Variants in ROCK2 observed in about 807,000 individuals in gnomAD.
ROCK2 encodes the protein Rho associated coiled-coil containing protein kinase 2, also known as rho-associated protein kinase 2.
Under a neutral mutation model 195.1 loss-of-function variants are expected in ROCK2, and 61 were observed. The observed-to-expected ratio is 0.31, with a 90% CI of 0.25 to 0.39. The LOEUF is 0.39. ROCK2 is among the 10% of genes least tolerant of loss of function. The pLI, the probability that ROCK2 is intolerant of heterozygous loss-of-function variation, is 1.00. For synonymous variants in ROCK2, 504 were observed against 545.5 expected (o/e 0.92, Z 1.06); for missense variants, 1,109 against 1,637.4 (o/e 0.68, Z 5.57).
chr2:11,250,199 C>A (rs1665782490), intron 3 of ROCK2, among the ~76,000 whole-genome samples: 1 of 152,076 alleles, frequency 6.6e-6, no homozygotes, highest in South Asian at 2.1e-4. Flanking sequence ...TATACACATC[C>A]CTCACTATCT....
intron 4 of ROCK2, among the ~76,000 whole-genome samples, chr2:11,244,325 C>T (rs1278691580): frequency 6.6e-6 from 1 of 152,108 alleles, no homozygotes; most frequent in Non-Finnish European, 1.5e-5. Flanking sequence ...AAAATGTTTG[C>T]AATTCCTGGC....
chr2:11,282,674 A>G (rs1405063784), intron 3 of ROCK2, among the ~76,000 whole-genome samples: 1 of 151,892 alleles, frequency 6.6e-6, no homozygotes, highest in Non-Finnish European at 1.5e-5. Flanking sequence ...AGAAAACCTA[A>G]ATTATCTTGA....
rs1343173818 is a variant in ROCK2 at position 11,180,461 on chromosome 2, T to C, written c.*2976A>G. The C allele has an allele frequency of 6.6e-6, 1 of 152,226 alleles. No homozygotes were observed. The highest frequency in any genetic ancestry group is 1.9e-4 in the East Asian group (1 of 5,206). The allele number at this position is 152,226 out of a possible 1,614,324, so 9.4% of individuals were successfully genotyped here. Reference sequence around the variant, plus strand: ...TAGCTGGAACATTTTAAAACTTTCATATAGATTTTTAAAACTTGTTTCTAG... The same window carrying C: ...TAGCTGGAACATTTTAAAACTTTCACATAGATTTTTAAAACTTGTTTCTAG... On this transcript the variant is annotated 3_prime_UTR_variant, in exon 33 of 33. Transcript: ENST00000315872.
upstream of ROCK2, among the ~76,000 whole-genome samples, chr2:11,344,942 C>T (rs2148288107): frequency 1.7e-5 from 1 of 59,474 alleles, no homozygotes; most frequent in South Asian, 8.2e-4. This position sits in a 1 kb window ranked among gnomAD's most constrained non-coding sequence, Gnocchi z 5.4. Flanking sequence ...GCCCCTCCCG[C>T]CGGACCCCGC....
At chr2:11,205,299 T>C (rs1426437289) in intron 20 of ROCK2, among the ~76,000 whole-genome samples, 3 of 152,318 alleles carry the variant, frequency 2.0e-5, no homozygotes, top group Non-Finnish European at 2.9e-5. Context: ...TTATTTGCTC[T>C]GAATACTTCT....
rs1460278753 is a variant in ROCK2 at position 11,211,759 on chromosome 2, T to C, written c.2125A>G (p.Lys709Glu). 2 of 1,613,762 alleles carry C rather than the reference T, an allele frequency of 1.2e-6. No homozygotes were observed. Among genetic ancestry groups the C allele is most frequent in the South Asian group, 2.2e-5 (2 of 91,046 alleles). ...TCTGCTAGTCGTGCCTTTGTGGCCTTATGTTCAGCTTCTTCTTGTTCTAGG... is the reference window on the plus strand; with the variant it reads ...TCTGCTAGTCGTGCCTTTGTGGCCTCATGTTCAGCTTCTTCTTGTTCTAGG... ...QSLEQEEAEHKATKARLADKN... is the reference protein window; with the variant it reads ...QSLEQEEAEHEATKARLADKN... Residue 709 changes from lysine to glutamate, a missense_variant, in exon 18 of 33, where the codon AAG becomes GAG. Around this residue, in one of 6 missense-constraint regions of ROCK2, gnomAD observed 542 missense variants for 672.0 expected, o/e 0.81. Transcript: ENST00000315872.
chr2:11,316,334 G>C (rs1668191452), intron 1 of ROCK2, among the ~76,000 whole-genome samples: 1 of 152,036 alleles, frequency 6.6e-6, no homozygotes. Context: ...GTTTTTCCTT[G>C]TTAAATTTAC....
At chr2:11,247,838 G>C (rs1665672481) in intron 4 of ROCK2, among the ~76,000 whole-genome samples, 1 of 152,070 alleles carries the variant, frequency 6.6e-6, no homozygotes, top group South Asian at 2.1e-4. Context: ...TGGCCAACAT[G>C]GTGAGACCCC....
chr2:11,317,606 ATATATATTT>A lies in ROCK2; in HGVS notation c.141+26381_141+26389del, dbSNP rs1367178982. Among the ~76,000 whole-genome samples the A allele has an allele frequency of 3.7e-4, 6 of 16,158 alleles. 1 individual carries two copies. Among genetic ancestry groups the A allele is most frequent in the Non-Finnish European group, 5.1e-4 (4 of 7,900 alleles). The allele number at this position is 16,158 out of a possible 152,430, so 10.6% of individuals were successfully genotyped here. A position where few individuals can be genotyped will look rare whatever the true frequency, so the allele number is the denominator to read the frequency against. On this transcript the variant is annotated intron_variant, in intron 1 of 32. Transcript: ENST00000315872. The stretch of plus-strand genomic sequence containing the variant: ...TATATATATATATATATATATATAT[ATATATATTT>A]TTTTTTTTTTTTAATTATACTTTAA...
intron 7 of ROCK2, among the ~76,000 whole-genome samples, chr2:11,223,380 G>A (rs571220484): frequency 6.6e-6 from 1 of 152,194 alleles, no homozygotes; most frequent in South Asian, 2.1e-4. Context: ...GATCAATTTT[G>A]TAACATCACT....
At chr2:11,263,613 AAAAG>A (rs1024264997) in intron 3 of ROCK2, among the ~76,000 whole-genome samples, 12 of 149,652 alleles carry the variant, frequency 8.0e-5, no homozygotes, top group African/African-American at 2.9e-4. Context: ...TTAAAAAAAA[AAAAG>A]AAATCAAAGT....
chr2:11,216,514 CTTTTTTT>C (rs78853931), intron 12 of ROCK2, among the ~76,000 whole-genome samples: 3,194 of 139,376 alleles, frequency 0.023, 113 homozygotes, highest in African/African-American at 0.078. Context: ...TTTCTTTTTT[CTTTTTTT>C]TTTTTTTGAG....
intron 1 of ROCK2, among the ~76,000 whole-genome samples, chr2:11,331,886 G>A (rs1370634709): frequency 1.3e-5 from 2 of 152,130 alleles, no homozygotes; most frequent in Non-Finnish European, 2.9e-5. Flanking sequence ...AGATCACACT[G>A]CTGCACTCCA....
chr2:11,236,300 A>G (rs775631764), intron 4 of ROCK2, among the ~76,000 whole-genome samples: 1 of 152,212 alleles, frequency 6.6e-6, no homozygotes, highest in Non-Finnish European at 1.5e-5. Context: ...AGAATTCACT[A>G]TAATTTAAAA....
intron 3 of ROCK2, among the ~76,000 whole-genome samples, chr2:11,268,071 G>A (rs1666482504): frequency 6.6e-6 from 1 of 151,940 alleles, no homozygotes; most frequent in African/African-American, 2.4e-5. Context: ...GTGCTTCCGG[G>A]ATCCAAAAGA....
At chr2:11,284,339 T>C (rs1216600883) in intron 3 of ROCK2, among the ~76,000 whole-genome samples, 1 of 152,154 alleles carries the variant, frequency 6.6e-6, no homozygotes, top group East Asian at 1.9e-4. Flanking sequence ...CATTGTGCAC[T>C]TGGCCAAACC....
chr2:11,189,994 CAAT>C (rs370740036), intron 32 of ROCK2, among the ~76,000 whole-genome samples: 30 of 150,832 alleles, frequency 2.0e-4, no homozygotes, highest in East Asian at 1.6e-3. Context: ...GACCCTGTCT[CAAT>C]AATAATAATA....
At chr2:11,200,040 G>A (rs1171761112) in intron 23 of ROCK2, among the ~76,000 whole-genome samples, 1 of 152,090 alleles carries the variant, frequency 6.6e-6, no homozygotes, top group East Asian at 1.9e-4. Context: ...GGTATGAAAT[G>A]GTATTTCAAA....
intron 1 of ROCK2, among the ~76,000 whole-genome samples, chr2:11,340,676 A>G (rs977129455): frequency 6.6e-6 from 1 of 152,248 alleles, no homozygotes; most frequent in African/African-American, 2.4e-5. Flanking sequence ...TATTTTAACT[A>G]GGCAAATAAC....
Sources: gnomAD v4.1 joint callset for allele counts (sites outside exome capture counted in the v4.1 genomes callset) on GRCh38, gnomAD v4.1.1 for gene constraint, gnomAD v4.1.1 regional missense constraint, Gnocchi (gnomAD v3.1) non-coding constraint, MANE v1.5 for transcripts, NCBI Gene and HGNC (gene_info 2026-07-23, HGNC 2026-07-21) for gene names.